Variants in AUTS2 observed in about 807,000 individuals in gnomAD.
AUTS2 encodes activator of transcription and developmental regulator AUTS2.
Under a neutral mutation model 112.4 loss-of-function variants are expected in AUTS2, and 17 were observed. The observed-to-expected ratio is 0.15, with a 90% CI of 0.10 to 0.23. AUTS2 has a LOEUF of 0.23. Ranked by LOEUF, AUTS2 falls within the 10% of genes least tolerant of loss-of-function variation. The pLI is 1.00. For synonymous variants in AUTS2, 751 were observed against 702.7 expected (o/e 1.07, Z -1.09); for missense variants, 1,510 against 1,701.6 (o/e 0.89, Z 1.98).
chr7:69,833,376 C>G (rs1234205903), intron 1 of AUTS2, among the ~76,000 whole-genome samples: 1 of 152,156 alleles, frequency 6.6e-6, no homozygotes, highest in Admixed American at 6.5e-5. Context: ...TTTTAAAAGG[C>G]CAATCGTATC....
chr7:70,582,043 T>C (rs970769889), intron 5 of AUTS2, among the ~76,000 whole-genome samples: 16 of 152,026 alleles, frequency 1.1e-4, no homozygotes, highest in Admixed American at 5.9e-4. Context: ...CCCACTTTTT[T>C]TTTTTTTTTT....
chr7:70,439,241 A>G (rs1380079377), intron 5 of AUTS2, among the ~76,000 whole-genome samples: 2 of 152,204 alleles, frequency 1.3e-5, no homozygotes, highest in Non-Finnish European at 1.5e-5. Flanking sequence ...AAGGACGTTC[A>G]TGAAGAGTAG....
chr7:69,729,355 G>T (rs908107526), intron 1 of AUTS2, among the ~76,000 whole-genome samples: 12 of 148,878 alleles, frequency 8.1e-5, no homozygotes, highest in Admixed American at 2.7e-4. Flanking sequence ...TGTAGTGAGA[G>T]AAAACTTATC....
chr7:70,503,352 A>G (rs927953486), intron 5 of AUTS2, among the ~76,000 whole-genome samples: 9 of 152,014 alleles, frequency 5.9e-5, no homozygotes, highest in African/African-American at 2.2e-4. Context: ...TTACAAAGTC[A>G]GTAAACTGTG....
intron 5 of AUTS2, among the ~76,000 whole-genome samples, chr7:70,525,693 C>T (rs1441738740): frequency 6.6e-6 from 1 of 152,046 alleles, no homozygotes; most frequent in Non-Finnish European, 1.5e-5. Flanking sequence ...TTTGGCAGGA[C>T]CAAAACTGAG....
chr7:70,606,601 C>T (rs909944101), intron 5 of AUTS2, among the ~76,000 whole-genome samples: 4 of 152,158 alleles, frequency 2.6e-5, no homozygotes, highest in Non-Finnish European at 4.4e-5. Flanking sequence ...TGGCTCACGC[C>T]TGTAATCTCA....
chr7:70,371,656 T>C (rs1272410703), intron 4 of AUTS2, among the ~76,000 whole-genome samples: 1 of 152,232 alleles, frequency 6.6e-6, no homozygotes, highest in East Asian at 1.9e-4. Flanking sequence ...GATTTCAATC[T>C]CTTTGAGTTC....
intron 1 of AUTS2, among the ~76,000 whole-genome samples, chr7:69,863,781 C>T (rs906547294): frequency 6.6e-6 from 1 of 152,142 alleles, no homozygotes; most frequent in Admixed American, 6.5e-5. Context: ...CGTGTGTGCC[C>T]CTCCACACCT....
intron 4 of AUTS2, among the ~76,000 whole-genome samples, chr7:70,228,212 G>A (rs1255918691): frequency 2.0e-5 from 3 of 151,556 alleles, no homozygotes; most frequent in African/African-American, 7.3e-5. Flanking sequence ...TTGTCGGACA[G>A]TATTCTCTCT....
At chr7:69,649,934 A>G (rs900213532) in intron 1 of AUTS2, among the ~76,000 whole-genome samples, 2 of 152,116 alleles carry the variant, frequency 1.3e-5, no homozygotes, top group Non-Finnish European at 2.9e-5. Context: ...CCATGAAGTC[A>G]TTTTTTTCCT....
chr7:70,067,614 G>C (rs1202657794), intron 2 of AUTS2, among the ~76,000 whole-genome samples: 1 of 152,192 alleles, frequency 6.6e-6, no homozygotes, highest in Admixed American at 6.5e-5. Flanking sequence ...GGTAGTTCAA[G>C]GTGGGAGCAT....
intron 2 of AUTS2, among the ~76,000 whole-genome samples, chr7:69,954,178 TC>T (rs1424662192): frequency 6.6e-6 from 1 of 152,236 alleles, no homozygotes; most frequent in African/African-American, 2.4e-5. Flanking sequence ...TTACCGCTTT[TC>T]TTTTTATAGT....
At chr7:69,870,881 A>G (rs555674978) in intron 1 of AUTS2, among the ~76,000 whole-genome samples, 4 of 152,308 alleles carry the variant, frequency 2.6e-5, no homozygotes, top group Admixed American at 6.5e-5. Context: ...AATTGCTAGC[A>G]TGAATTTTAC....
intron 1 of AUTS2, among the ~76,000 whole-genome samples, chr7:69,694,536 T>C (rs970707852): frequency 1.3e-5 from 2 of 152,090 alleles, no homozygotes; most frequent in Non-Finnish European, 2.9e-5. Context: ...CCCAGCACTT[T>C]GGGAGGCTGA....
intron 1 of AUTS2, among the ~76,000 whole-genome samples, chr7:69,696,625 G>C (rs1797574532): frequency 6.6e-6 from 1 of 152,192 alleles, no homozygotes; most frequent in South Asian, 2.1e-4. Context: ...AGAATGAGGA[G>C]ATCTTTGCTG....
chr7:70,617,385 G>A (rs569271377), intron 5 of AUTS2, among the ~76,000 whole-genome samples: 5 of 152,204 alleles, frequency 3.3e-5, no homozygotes, highest in South Asian at 2.1e-4. Context: ...GTTTGTGGCC[G>A]GGCTCAGTGG....
intron 4 of AUTS2, among the ~76,000 whole-genome samples, chr7:70,241,181 A>G (rs1812593200): frequency 6.6e-6 from 1 of 152,210 alleles, no homozygotes; most frequent in Non-Finnish European, 1.5e-5. Flanking sequence ...TGATATCATT[A>G]TCAACATTGG....
At chr7:69,930,319 T>G (rs961494941) in intron 2 of AUTS2, among the ~76,000 whole-genome samples, 3 of 151,854 alleles carry the variant, frequency 2.0e-5, no homozygotes, top group African/African-American at 4.8e-5. Context: ...TCTGTGTAAT[T>G]CTCTTCTCTC....
At chr7:70,218,615 ATTACAACATTATATG>A (rs1811297535) in intron 4 of AUTS2, among the ~76,000 whole-genome samples, 1 of 152,170 alleles carries the variant, frequency 6.6e-6, no homozygotes, top group African/African-American at 2.4e-5. Context: ...CAGCCTTCTA[ATTACAACATTATATG>A]ACCATTCAGA....
Sources: allele counts gnomAD v4.1 joint callset (sites outside exome capture counted in the v4.1 genomes callset), GRCh38; gene constraint gnomAD v4.1.1; transcripts MANE v1.5; gene names NCBI Gene and HGNC (gene_info 2026-07-23, HGNC 2026-07-21).